GAREM1: variants seen among roughly 807,000 people sequenced by gnomAD.
The protein encoded by GAREM1 is GRB2 associated regulator of MAPK1 subtype 1, also known as GRB2-associated and regulator of MAPK protein 1.
GAREM1 carries 26 observed loss-of-function variants against 71.3 expected under a neutral mutation model. That is an observed-to-expected ratio of 0.36 (90% CI 0.27 to 0.51). GAREM1 has a LOEUF of 0.51. Among genes scored for constraint, GAREM1 ranks in the 20% least tolerant of loss-of-function variants. The probability of loss-of-function intolerance (pLI) is 0.95; values close to 1 mark genes in which losing one functional copy is unlikely to be tolerated. For missense variants in GAREM1, 1,026 were observed against 1,103.1 expected, an observed-to-expected ratio of 0.93 and a Z score of 0.99; for synonymous variants, 440 against 433.2, an observed-to-expected ratio of 1.02 and a Z score of -0.20.
intron 2 of GAREM1, among the ~76,000 whole-genome samples, chr18:32,321,030 T>C (rs943110259): frequency 6.6e-6 from 1 of 152,202 alleles, no homozygotes; most frequent in African/African-American, 2.4e-5. Context: ...TGTAATGGTA[T>C]TACTGCTTCA....
intron 1 of GAREM1, among the ~76,000 whole-genome samples, chr18:32,406,495 G>T (rs886073220): frequency 3.3e-5 from 5 of 152,142 alleles, no homozygotes; most frequent in African/African-American, 4.8e-5. Context: ...GGTGTGTGGT[G>T]GGGGGAAAGA....
intron 3 of GAREM1, among the ~76,000 whole-genome samples, chr18:32,306,502 CCA>C (rs1220958710): frequency 2.0e-5 from 3 of 152,124 alleles, no homozygotes; most frequent in African/African-American, 7.2e-5. Context: ...ATCCTCCACC[CCA>C]CAGTCATGAC....
intron 1 of GAREM1, among the ~76,000 whole-genome samples, chr18:32,429,724 A>C (rs1159443100): frequency 6.6e-6 from 1 of 152,158 alleles, no homozygotes; most frequent in Non-Finnish European, 1.5e-5. Context: ...AAGACACTTC[A>C]CTCCTCTAAT....
intron 2 of GAREM1, among the ~76,000 whole-genome samples, chr18:32,349,145 C>T (rs978246866): frequency 2.0e-5 from 3 of 152,096 alleles, no homozygotes; most frequent in African/African-American, 7.2e-5. Context: ...TCAAATGCAG[C>T]AGATATAAAA....
intron 2 of GAREM1, among the ~76,000 whole-genome samples, chr18:32,376,630 A>T (rs890071897): frequency 9.2e-5 from 14 of 151,942 alleles, no homozygotes; most frequent in African/African-American, 3.4e-4. Flanking sequence ...CTGAGGTCAG[A>T]AGTTCGAGAC....
At chr18:32,385,761 G>C (rs965453749) in intron 2 of GAREM1, among the ~76,000 whole-genome samples, 2 of 152,062 alleles carry the variant, frequency 1.3e-5, no homozygotes, top group Admixed American at 6.6e-5. Flanking sequence ...AGGCTCTGAA[G>C]CCACATATCC....
At chr18:32,300,263 C>T (rs780690478) in intron 3 of GAREM1, among the ~76,000 whole-genome samples, 12 of 152,168 alleles carry the variant, frequency 7.9e-5, no homozygotes, top group Non-Finnish European at 1.8e-4. Flanking sequence ...AAAAGATGGT[C>T]TCTCTGTCAT....
rs2049018022 is a variant in GAREM1, at chr18:32,468,434, CTA to C, written c.121+1872_121+1873del. On this transcript the variant is annotated intron_variant, in intron 1 of 5. Transcript: ENST00000269209. ...AATGATTCCAAATTTGTATGTGCCA[CTA>C]TGATTCTCAAGCGGCAATAAGGAAA... Among the ~76,000 whole-genome samples the C allele has an allele frequency of 5.3e-5, 8 of 152,212 alleles. No homozygotes were observed. The South Asian group carries it at 1.7e-3, about 32-fold the overall frequency.
In GAREM1 at chr18:32,268,320, T is replaced by A; in HGVS notation, c.2182A>T (p.Arg728Trp). ...TTCTCTTCCACTAGTTTTGGAGCCC[T>A]GGGGGGTAAGGCAGGGCATGACGTA... ...QSTSCPALPP[R>W]APKLVEEKVA... is the part of the protein sequence containing the mutation. The change falls in exon 6 of 6, where the codon AGG (arginine) becomes TGG (tryptophan). Residue 728 changes from arginine to tryptophan, a missense_variant. Coordinates refer to ENST00000269209, the MANE Select transcript of GAREM1 (RefSeq NM_001242409.2). The A allele has an allele frequency of 1.9e-6, 3 of 1,614,038 alleles. No individual in the cohort carries two copies. The highest frequency in any genetic ancestry group is 2.5e-6 in the Non-Finnish European group (3 of 1,179,986).
Position 32,454,550 on chromosome 18 carries a change from C to CA in GAREM1, c.121+15757dup, listed in dbSNP as rs2048869902. On this transcript the variant is annotated intron_variant, in intron 1 of 5. Transcript: ENST00000269209. The stretch of plus-strand genomic sequence containing the variant: ...AATGCTGAATTGGCTTCACAAGCCT[C>CA]AGAGTATTTTTCAACCTCTTTCCAT... Among the ~76,000 whole-genome samples the CA allele has an allele frequency of 5.9e-5, 9 of 152,190 alleles. No individual in the cohort carries two copies. The South Asian group carries it at 1.9e-3, about 32-fold the overall frequency.
chr18:32,312,840 C>A (rs1441326846), intron 2 of GAREM1, among the ~76,000 whole-genome samples: 1 of 152,124 alleles, frequency 6.6e-6, no homozygotes, highest in East Asian at 1.9e-4. Flanking sequence ...GACAGGAGCA[C>A]AGGCCATTCA....
At chr18:32,461,509 A>G (rs2048953680) in intron 1 of GAREM1, among the ~76,000 whole-genome samples, 1 of 152,054 alleles carries the variant, frequency 6.6e-6, no homozygotes, top group African/African-American at 2.4e-5. Context: ...CAGTCTGGGC[A>G]CACAGCAAAA....
At chr18:32,385,326 GTAATC>G (rs2048135748) in intron 2 of GAREM1, among the ~76,000 whole-genome samples, 1 of 151,544 alleles carries the variant, frequency 6.6e-6, no homozygotes, top group Admixed American at 6.6e-5. Context: ...ACTCTCTTTT[GTAATC>G]TAATTTTCCT....
intron 2 of GAREM1, among the ~76,000 whole-genome samples, chr18:32,376,874 T>C (rs764234928): frequency 2.2e-4 from 34 of 151,934 alleles, no homozygotes; most frequent in Non-Finnish European, 1.6e-4. Context: ...AACAAATAAA[T>C]AAACAAAAAA....
intron 1 of GAREM1, among the ~76,000 whole-genome samples, chr18:32,420,623 A>G (rs994936228): frequency 6.6e-6 from 1 of 152,140 alleles, no homozygotes; most frequent in Non-Finnish European, 1.5e-5. Context: ...TGCAAAGAAC[A>G]GAATCCCGGC....
At chr18:32,402,940 C>T (rs919936143) in intron 1 of GAREM1, among the ~76,000 whole-genome samples, 2 of 152,074 alleles carry the variant, frequency 1.3e-5, no homozygotes, top group African/African-American at 4.8e-5. Flanking sequence ...TTTATTGAGA[C>T]AGAGTCTTGC....
At chr18:32,280,807 G>A (rs1353379937) in intron 4 of GAREM1, among the ~76,000 whole-genome samples, 1 of 152,178 alleles carries the variant, frequency 6.6e-6, no homozygotes, top group East Asian at 1.9e-4. Flanking sequence ...TGGAATGGGA[G>A]GCTGACTGAC....
chr18:32,446,765 C>T (rs999004812), intron 1 of GAREM1, among the ~76,000 whole-genome samples: 1 of 152,118 alleles, frequency 6.6e-6, no homozygotes, highest in Non-Finnish European at 1.5e-5. Context: ...TTATTGCTTC[C>T]ATCAACACTT....
At chr18:32,269,948 T>C (rs1166727653) in intron 5 of GAREM1, among the ~76,000 whole-genome samples, 1 of 152,150 alleles carries the variant, frequency 6.6e-6, no homozygotes, top group Non-Finnish European at 1.5e-5. Context: ...GCCCCCGGGT[T>C]GTTTCCAGGA....
Sources: allele counts gnomAD v4.1 joint callset (sites outside exome capture counted in the v4.1 genomes callset), GRCh38; gene constraint gnomAD v4.1.1; transcripts MANE v1.5; gene names NCBI Gene and HGNC (gene_info 2026-07-23, HGNC 2026-07-21).